The following DCDC2C variants were observed in gnomAD, a reference collection of about 807,000 sequenced individuals.
DCDC2C encodes the protein doublecortin domain-containing protein 2C.
A neutral mutation model predicts 45.0 loss-of-function variants in DCDC2C; 44 were observed. That is an observed-to-expected ratio of 0.98 (90% CI 0.77 to 1.26). The LOEUF (loss-of-function observed/expected upper bound fraction) is 1.26. DCDC2C is among the 50% of genes most tolerant of loss of function. The probability of loss-of-function intolerance (pLI) is 0.00; values close to 1 mark genes in which losing one functional copy is unlikely to be tolerated. For missense variants in DCDC2C, 447 were observed against 468.9 expected (o/e 0.95, Z 0.43); for synonymous variants, 187 against 178.8 (o/e 1.05, Z -0.37).
At chr2:3,796,977 C>A (rs1042990121) in intron 10 of DCDC2C, among the ~76,000 whole-genome samples, 2 of 152,132 alleles carry the variant, frequency 1.3e-5, no homozygotes, top group African/African-American at 4.8e-5. Context: ...TGGTAGAATT[C>A]GGCTATGAAT....
chr2:3,802,015 T>C (rs1442754048), intron 10 of DCDC2C, among the ~76,000 whole-genome samples: 2 of 152,240 alleles, frequency 1.3e-5, no homozygotes, highest in African/African-American at 4.8e-5. Context: ...TCCTAAGTTC[T>C]TGATGGAAAT....
chr2:3,792,483 A>T (rs940181873), intron 10 of DCDC2C, among the ~76,000 whole-genome samples: 3 of 152,210 alleles, frequency 2.0e-5, no homozygotes, highest in African/African-American at 7.2e-5. Flanking sequence ...CCCATGAGTT[A>T]CAGAGATCCT....
At chr2:3,777,258 A>G (rs912412501) in intron 8 of DCDC2C, among the ~76,000 whole-genome samples, 3 of 152,204 alleles carry the variant, frequency 2.0e-5, no homozygotes, top group African/African-American at 4.8e-5. Context: ...TTGCTTTCCC[A>G]TATATGTTAA....
At chr2:3,813,121 G>C (rs759760138) in intron 10 of DCDC2C, among the ~76,000 whole-genome samples, 1 of 148,048 alleles carries the variant, frequency 6.8e-6, no homozygotes, top group Non-Finnish European at 1.5e-5. Flanking sequence ...TCCCAGGCTG[G>C]AGTGCAGTGG....
intron 2 of DCDC2C, among the ~76,000 whole-genome samples, chr2:3,726,659 G>A (rs1032325887): frequency 3.9e-5 from 6 of 152,174 alleles, no homozygotes; most frequent in Non-Finnish European, 8.8e-5. Flanking sequence ...GGCCATTGAC[G>A]CATGCTTCTT....
Position 3,752,914 on chromosome 2 carries a change from G to A in DCDC2C, c.683+14G>A, listed in dbSNP as rs546783864. 1.2e-5 allele frequency: 19 copies of A among 1,546,230 alleles called. No homozygotes were observed. Among genetic ancestry groups the A allele is most frequent in the Middle Eastern group, 1.7e-4 (1 of 5,990 alleles). On this transcript the variant is annotated intron_variant, in intron 5 of 10. Coordinates refer to ENST00000399143, the MANE Select transcript of DCDC2C (RefSeq NM_001287444.2). Reference sequence around the variant, plus strand: ...TGAGGTCCAACAGTGAGCATGCTTCGTACCTTTCTTTCCTGAGTTTTGGAA... The same window carrying A: ...TGAGGTCCAACAGTGAGCATGCTTCATACCTTTCTTTCCTGAGTTTTGGAA...
intron 4 of DCDC2C, 24 bp downstream of exon 4, chr2:3,742,072 A>T: frequency 6.6e-7 from 1 of 1,511,474 alleles, no homozygotes; most frequent in Non-Finnish European, 8.9e-7. Context: ...CGCCTTTAGG[A>T]CAGCCAGGGG....
intron 2 of DCDC2C, 105 bp downstream of exon 2, chr2:3,708,705 C>A (rs1375335986): frequency 2.4e-6 from 2 of 833,940 alleles, no homozygotes; most frequent in Non-Finnish European, 3.9e-6. Context: ...GCAGTAAATG[C>A]CTGCAGAGAT....
chr2:3,705,837 T>C (rs778594401), intron 1 of DCDC2C, among the ~76,000 whole-genome samples: 1 of 152,240 alleles, frequency 6.6e-6, no homozygotes, highest in Non-Finnish European at 1.5e-5. Flanking sequence ...CTGTTTATTT[T>C]ACTTTTTGGG....
intron 10 of DCDC2C, among the ~76,000 whole-genome samples, chr2:3,846,435 GGA>G (rs1672331677): frequency 2.0e-5 from 3 of 151,684 alleles, no homozygotes; most frequent in African/African-American, 7.3e-5. Flanking sequence ...TCTTTTTTTT[GGA>G]GAGAGGGAGT....
At chr2:3,840,972 A>T (rs1166808803) in intron 10 of DCDC2C, among the ~76,000 whole-genome samples, 2 of 152,196 alleles carry the variant, frequency 1.3e-5, no homozygotes, top group African/African-American at 2.4e-5. Flanking sequence ...GGAGCCTTCT[A>T]AACTGTCTTG....
intron 6 of DCDC2C, among the ~76,000 whole-genome samples, chr2:3,763,525 T>A (rs1374580269): frequency 6.6e-6 from 1 of 152,226 alleles, no homozygotes; most frequent in East Asian, 1.9e-4. Flanking sequence ...CAGCTCTGTG[T>A]CACCAATGCA....
At chr2:3,805,682 G>A (rs775951675) in intron 10 of DCDC2C, among the ~76,000 whole-genome samples, 1 of 152,318 alleles carries the variant, frequency 6.6e-6, no homozygotes, top group South Asian at 2.1e-4. Context: ...AATTTTAGAG[G>A]TGGTGATTAG....
At position 3,710,871 on chromosome 2, in the gene DCDC2C, A is replaced by G. The variant is rs574278483; in HGVS notation, c.339+2271A>G. Among the ~76,000 whole-genome samples, 18 of 152,310 alleles carry G rather than the reference A, an allele frequency of 1.2e-4. No homozygotes were observed. In the South Asian group the frequency reaches 1.7e-3, roughly 14 times the overall value. On this transcript the variant is annotated intron_variant, in intron 2 of 10. Coordinates refer to ENST00000399143, the MANE Select transcript of DCDC2C (RefSeq NM_001287444.2). ...TATCCAGTCCACCACTAATGGGCACAAGGTTGATTCAATGACTTTGCTATA... is the reference window on the plus strand; with the variant it reads ...TATCCAGTCCACCACTAATGGGCACGAGGTTGATTCAATGACTTTGCTATA...
chr2:3,813,881 T>A (rs950436390), intron 10 of DCDC2C, among the ~76,000 whole-genome samples: 1 of 152,112 alleles, frequency 6.6e-6, no homozygotes, highest in Non-Finnish European at 1.5e-5. Context: ...TGCCAGTCTG[T>A]GTCTTTTAAT....
At chr2:3,755,439 G>A (rs1268758200) in intron 6 of DCDC2C, among the ~76,000 whole-genome samples, 4 of 149,770 alleles carry the variant, frequency 2.7e-5, no homozygotes, top group African/African-American at 7.4e-5. Flanking sequence ...AGGCATGCAT[G>A]TGTATGTATG....
At chr2:3,717,571 C>A (rs543225046) in intron 2 of DCDC2C, among the ~76,000 whole-genome samples, 2 of 152,270 alleles carry the variant, frequency 1.3e-5, no homozygotes, top group African/African-American at 4.8e-5. Context: ...GAAGGAGTCC[C>A]ATGCCTTCCG....
At chr2:3,803,493 C>T (rs773677402) in intron 10 of DCDC2C, among the ~76,000 whole-genome samples, 2 of 152,192 alleles carry the variant, frequency 1.3e-5, no homozygotes, top group African/African-American at 2.4e-5. Flanking sequence ...CTTGTTTGTC[C>T]CACTTCTGTT....
intron 10 of DCDC2C, among the ~76,000 whole-genome samples, chr2:3,804,529 T>C (rs1249550553): frequency 6.6e-6 from 1 of 152,214 alleles, no homozygotes; most frequent in Non-Finnish European, 1.5e-5. Flanking sequence ...TGCTTACACT[T>C]GATTTTTCTA....
Sources: allele counts gnomAD v4.1 joint callset (sites outside exome capture counted in the v4.1 genomes callset), GRCh38; gene constraint gnomAD v4.1.1; transcripts MANE v1.5; gene names NCBI Gene and HGNC (gene_info 2026-07-23, HGNC 2026-07-21).